The following SIGLEC7 variants were observed in gnomAD, a reference collection of about 807,000 sequenced individuals.
The protein encoded by SIGLEC7 is sialic acid-binding Ig-like lectin 7.
In SIGLEC7, 33 loss-of-function variants were observed where a neutral mutation model predicts 40.8. The ratio of observed to expected loss-of-function variants is 0.81; its 90% CI spans 0.61 to 1.08. SIGLEC7 has a LOEUF of 1.08. Among genes scored for constraint, SIGLEC7 ranks in the 50% least tolerant of loss-of-function variants. The pLI is 0.00. For synonymous variants in SIGLEC7, 242 were observed against 237.6 expected, an observed-to-expected ratio of 1.02 and a Z score of -0.17; for missense variants, 513 against 576.1, an observed-to-expected ratio of 0.89 and a Z score of 1.12.
Position 51,145,574 on chromosome 19 carries a change from ATGT to A in SIGLEC7, c.761-277_761-275del, listed in dbSNP as rs530132771. On this transcript the variant is annotated intron_variant, in intron 3 of 6. Transcript: ENST00000317643. The surrounding 1 kb of genome is among the most constrained non-coding windows in gnomAD (Gnocchi z 4.3). ...TACGGCACGAACACTGCAATGAATA[ATGT>A]TGTATCTACTCCCACAAGGAATATC... Among the ~76,000 whole-genome samples the A allele has an allele frequency of 1.4e-4, 21 of 152,352 alleles. No homozygotes were observed. The East Asian group carries it at 4.0e-3, about 29-fold the overall frequency.
At position 51,147,481 on chromosome 19, in the gene SIGLEC7, T is replaced by C. The variant is rs1003357204; in HGVS notation, c.1221+164T>C. Among the ~76,000 whole-genome samples the C allele has an allele frequency of 3.9e-5, 6 of 152,190 alleles. No homozygotes were observed. In the East Asian group the frequency reaches 7.7e-4, roughly 20 times the overall value. On this transcript the variant is annotated intron_variant, in intron 6 of 6. Coordinates refer to ENST00000317643, the MANE Select transcript of SIGLEC7 (RefSeq NM_014385.4). ...AGGATTCCCCATCTTGCTGACTGCA[T>C]GACAGTCCCTCCTACCTACTTTCTC...
rs761478627 is a variant in SIGLEC7 at position 51,146,806 on chromosome 19, A to T, written c.1080A>T (p.Gly360=). Residue 360 remains glycine, a synonymous_variant, in exon 5 of 7, where the codon GGA becomes GGT. Coordinates refer to ENST00000317643, the MANE Select transcript of SIGLEC7 (RefSeq NM_014385.4). ...TGCTGGGGGCGGTCGGGGGAGCTGGAGCCACAGCCCTGGTCTTCCTCTCCT... is the reference window on the plus strand; with the variant it reads ...TGCTGGGGGCGGTCGGGGGAGCTGGTGCCACAGCCCTGGTCTTCCTCTCCT... ...GVLLGAVGGA[G]ATALVFLSFC... is the part of the protein sequence containing the mutation. The T allele has an allele frequency of 9.9e-6, 16 of 1,613,916 alleles. No individual in the cohort carries two copies. The South Asian group carries it at 1.6e-4, about 17-fold the overall frequency.
At chr19:51,147,042 C>T (rs1369012956) in intron 5 of SIGLEC7, 179 bp from the exon 6 acceptor site, 3 of 1,087,342 alleles carry the variant, frequency 2.8e-6, no homozygotes, top group South Asian at 1.5e-5. Flanking sequence ...AACCTTGGGC[C>T]CCACCACCCA....
Position 51,145,866 on chromosome 19 carries a change from C to T in SIGLEC7, c.772C>T (p.Leu258=). The T allele has an allele frequency of 6.2e-7, 1 of 1,614,160 alleles. No individual in the cohort carries two copies. Among genetic ancestry groups the T allele is most frequent in the Non-Finnish European group, 8.5e-7 (1 of 1,180,008 alleles). ...FQGEGTASTA[L]GNSSSLSVLE... ...CTTTTTCTCTACAGCATCCACAGCT[C>T]TGGGGAACAGCTCATCTCTTTCAGT... The change falls in exon 4 of 7, where the codon CTG becomes TTG. Residue 258 remains leucine, a synonymous_variant. Transcript: ENST00000317643. The surrounding 1 kb of genome is among the most constrained non-coding windows in gnomAD (Gnocchi z 4.3).
chr19:51,150,080 T>G (rs1266343732), intron 6 of SIGLEC7, among the ~76,000 whole-genome samples: 5 of 152,232 alleles, frequency 3.3e-5, no homozygotes, highest in African/African-American at 9.6e-5. Context: ...TATAGAATCA[T>G]GCATCTGCAA....
intron 6 of SIGLEC7, among the ~76,000 whole-genome samples, chr19:51,147,858 C>G (rs899358729): frequency 6.6e-6 from 1 of 152,184 alleles, no homozygotes; most frequent in Non-Finnish European, 1.5e-5. Context: ...GCTTTCTGGC[C>G]TACACAGTCT....
At position 51,142,415 on chromosome 19, in the gene SIGLEC7, G is replaced by A; in HGVS notation, c.46G>A (p.Val16Met). The A allele has an allele frequency of 6.2e-7, 1 of 1,614,136 alleles. No individual in the cohort carries two copies. The change falls in exon 1 of 7, where the codon GTG (valine) becomes ATG (methionine). Residue 16 changes from valine to methionine, a missense_variant. Coordinates refer to ENST00000317643, the MANE Select transcript of SIGLEC7 (RefSeq NM_014385.4). This position sits in a 1 kb window ranked among gnomAD's most constrained non-coding sequence, Gnocchi z 5.0. ...LLPLLWGRER[V>M]EGQKSNRKDY... ...GCCCCTGCTCTGGGGGAGGGAGAGG[G>A]TGGAAGGACAGAAGAGTAACCGGAA... is the stretch of plus-strand genomic sequence containing the variant.
At chr19:51,143,430 C>T (rs992127398) in intron 1 of SIGLEC7, among the ~76,000 whole-genome samples, 2 of 152,140 alleles carry the variant, frequency 1.3e-5, no homozygotes, top group African/African-American at 4.8e-5. Context: ...CCACGATGGT[C>T]CAGAGGCCGG....
In SIGLEC7 at chr19:51,142,387, G is replaced by A. The variant is rs764307718; in HGVS notation, c.18G>A (p.Leu6=). 2 of 1,613,764 alleles carry A rather than the reference G, an allele frequency of 1.2e-6. No homozygotes were observed. Among genetic ancestry groups the A allele is most frequent in the South Asian group, 2.2e-5 (2 of 91,056 alleles). MLLLL[L]LPLLWGRERV... The stretch of plus-strand genomic sequence containing the variant: ...CCCCAGATATGCTGCTGCTGCTGCT[G>A]CTGCCCCTGCTCTGGGGGAGGGAGA... The change falls in exon 1 of 7, where the codon CTG becomes CTA. Residue 6 remains leucine, a synonymous_variant. Coordinates refer to ENST00000317643, the MANE Select transcript of SIGLEC7 (RefSeq NM_014385.4). The surrounding 1 kb of genome is among the most constrained non-coding windows in gnomAD (Gnocchi z 5.0).
Position 51,153,352 on chromosome 19 carries a change from C to A in SIGLEC7, c.*107C>A. The A allele has an allele frequency of 2.3e-6, 2 of 862,102 alleles. No homozygotes were observed. Among genetic ancestry groups the A allele is most frequent in the East Asian group, 2.8e-5 (1 of 36,106 alleles). 53.4% of individuals were successfully genotyped at this position (862,102 alleles called of 1,614,324 possible). A position where few individuals can be genotyped will look rare whatever the true frequency, so the allele number is the denominator to read the frequency against. ...CAGCCCTCAATGCTGTGCAACAAGA[C>A]ATCAGAACTTATTCCTCTTGTCTAA... On this transcript the variant is annotated 3_prime_UTR_variant, in exon 7 of 7. Coordinates refer to ENST00000317643, the MANE Select transcript of SIGLEC7 (RefSeq NM_014385.4).
Position 51,146,848 on chromosome 19 carries a change from T to C in SIGLEC7, c.1122T>C (p.Ile374=). Residue 374 remains isoleucine (I), a splice_region_variant and synonymous_variant, in exon 5 of 7, where the codon ATT becomes ATC. Transcript: ENST00000317643. The part of the protein sequence containing the change: ...LVFLSFCVIF[I]VVRSCRKKSA... ...TCCTCTCCTTCTGTGTCATCTTCATTGTGTGAGCACTGACCCTAGGGAGGG... is the reference window on the plus strand; with the variant it reads ...TCCTCTCCTTCTGTGTCATCTTCATCGTGTGAGCACTGACCCTAGGGAGGG... 1.2e-6 allele frequency: 2 copies of C among 1,613,682 alleles called. No homozygotes were observed. The highest frequency in any genetic ancestry group is 1.7e-6 in the Non-Finnish European group (2 of 1,179,722).
chr19:51,146,999 C>G, intron 5 of SIGLEC7, 149 bp downstream of exon 5: 1 of 993,056 alleles, frequency 1.0e-6, no homozygotes, highest in Non-Finnish European at 1.5e-6. Context: ...ATTTCAAGAG[C>G]GCCCTTGTCT....
Position 51,145,054 on chromosome 19 carries a change from A to G in SIGLEC7, c.760+95A>G. The G allele has an allele frequency of 1.6e-6, 2 of 1,238,426 alleles. No individual in the cohort carries two copies. The highest frequency in any genetic ancestry group is 2.4e-6 in the Non-Finnish European group (2 of 842,172). The allele number at this position is 1,238,426 out of a possible 1,614,324, so 76.7% of individuals were successfully genotyped here. On this transcript the variant is annotated intron_variant, in intron 3 of 6. Transcript: ENST00000317643. The surrounding 1 kb of genome is among the most constrained non-coding windows in gnomAD (Gnocchi z 4.3). ...CTCATCCTGGACTCACCCTGGTGAT[A>G]TGAGACTCCCTTGTAGTTGAACCCA...
In SIGLEC7 at chr19:51,145,094, C is replaced by T; in HGVS notation, c.760+135C>T. On this transcript the variant is annotated intron_variant, in intron 3 of 6. Coordinates refer to ENST00000317643, the MANE Select transcript of SIGLEC7 (RefSeq NM_014385.4). This position sits in a 1 kb window ranked among gnomAD's most constrained non-coding sequence, Gnocchi z 4.3. The stretch of plus-strand genomic sequence containing the variant: ...AGTTGAACCCAGGCCTCCTCCCCAT[C>T]CTTAGCCTCTGTGGCCACCTGAGCA... 1.2e-6 allele frequency: 1 copy of T among 848,456 alleles called. No individual in the cohort carries two copies. The highest frequency in any genetic ancestry group is 1.9e-6 in the Non-Finnish European group (1 of 512,890). The allele number at this position is 848,456 out of a possible 1,614,324, so 52.6% of individuals were successfully genotyped here.
intron 6 of SIGLEC7, 37 bp downstream of exon 6, chr19:51,147,354 C>G (rs765765875): frequency 6.4e-7 from 1 of 1,564,058 alleles, no homozygotes; most frequent in Non-Finnish European, 8.7e-7. Flanking sequence ...CAGCATCCAG[C>G]TGGGACATCT....
At chr19:51,151,152 G>A (rs1398326091) in intron 6 of SIGLEC7, among the ~76,000 whole-genome samples, 2 of 152,178 alleles carry the variant, frequency 1.3e-5, no homozygotes, top group Non-Finnish European at 2.9e-5. Flanking sequence ...CAAGATAGCA[G>A]CAGTGGTAGA....
chr19:51,146,305 G>A (rs1377510281), intron 4 of SIGLEC7, among the ~76,000 whole-genome samples, 184 bp downstream of exon 4: 1 of 152,200 alleles, frequency 6.6e-6, no homozygotes. Flanking sequence ...AAGGCAGGAA[G>A]AGGGGAGGAG....
chr19:51,142,498 T>G lies in SIGLEC7; in HGVS notation c.129T>G (p.His43Gln), dbSNP rs1040815214. 10 of 1,614,154 alleles carry G rather than the reference T, an allele frequency of 6.2e-6. No homozygotes were observed. Among genetic ancestry groups the G allele is most frequent in the African/African-American group, 1.3e-5 (1 of 75,028 alleles). ...CCGTGCAAGAGGGCATGTGTGTCCA[T>G]GTGCGCTGCTCCTTCTCCTACCCAG... is the stretch of plus-strand genomic sequence containing the variant. The part of the protein sequence containing the change: ...SVTVQEGMCV[H>Q]VRCSFSYPVD... The change falls in exon 1 of 7, where the codon CAT becomes CAG. Residue 43 changes from histidine (H) to glutamine (Q), a missense_variant. His to Gln is a conservative substitution (Grantham distance 24). Transcript: ENST00000317643. The surrounding 1 kb of genome is among the most constrained non-coding windows in gnomAD (Gnocchi z 5.0).
intron 6 of SIGLEC7, among the ~76,000 whole-genome samples, chr19:51,147,687 A>C (rs1599833472): frequency 6.7e-6 from 1 of 149,540 alleles, no homozygotes; most frequent in Admixed American, 6.7e-5. Flanking sequence ...GGACTTCCTC[A>C]CCTCCCTGCC....
Sources: allele counts gnomAD v4.1 joint callset (sites outside exome capture counted in the v4.1 genomes callset), GRCh38; gene constraint gnomAD v4.1.1; non-coding constraint Gnocchi (gnomAD v3.1); transcripts MANE v1.5; gene names NCBI Gene and HGNC (gene_info 2026-07-23, HGNC 2026-07-21).